CALN1: variants seen among roughly 807,000 people sequenced by gnomAD.
CALN1 encodes calneuron 1.
Under a neutral mutation model 30.6 loss-of-function variants are expected in CALN1, and 17 were observed. The ratio of observed to expected loss-of-function variants is 0.56; its 90% CI spans 0.38 to 0.83. The LOEUF (loss-of-function observed/expected upper bound fraction) is 0.83, where lower values mean the gene tolerates loss of function less well. CALN1 is among the 40% of genes least tolerant of loss of function. The pLI is 0.00. For synonymous variants in CALN1, 156 were observed against 131.4 expected (o/e 1.19, Z -1.28); for missense variants, 291 against 354.9 (o/e 0.82, Z 1.45).
chr7:72,476,231 G>A, the CALN1 span, among the ~76,000 whole-genome samples: 2 of 152,066 alleles, frequency 1.3e-5, no homozygotes, highest in Non-Finnish European at 2.9e-5. Context: ...ACAGGTATGA[G>A]CCACCATGCC....
intron 5 of CALN1, among the ~76,000 whole-genome samples, chr7:71,867,127 A>C (rs953554340): frequency 5.5e-5 from 8 of 145,812 alleles, no homozygotes; most frequent in Admixed American, 2.0e-4. Context: ...CCTGGGTGAC[A>C]GAGCGAGACT....
chr7:72,285,464 C>T (rs1287659343), intron 2 of CALN1, among the ~76,000 whole-genome samples: 4 of 152,128 alleles, frequency 2.6e-5, no homozygotes, highest in Admixed American at 2.6e-4. Flanking sequence ...AGGATAGTCT[C>T]GATCTCCTGA....
intron 2 of CALN1, among the ~76,000 whole-genome samples, chr7:72,338,334 G>A (rs1802196233): frequency 6.6e-6 from 1 of 152,088 alleles, no homozygotes; most frequent in Non-Finnish European, 1.5e-5. Flanking sequence ...AGATACATGT[G>A]AAAAATTTCA....
At chr7:72,009,395 C>T (rs566580993) in intron 5 of CALN1, among the ~76,000 whole-genome samples, 2 of 152,146 alleles carry the variant, frequency 1.3e-5, no homozygotes, top group Non-Finnish European at 2.9e-5. Context: ...AAATGGGCTA[C>T]CATGACAACT....
At chr7:72,131,854 A>G (rs990285813) in intron 3 of CALN1, among the ~76,000 whole-genome samples, 2 of 151,966 alleles carry the variant, frequency 1.3e-5, no homozygotes, top group African/African-American at 4.8e-5. Context: ...ATTACCTCCT[A>G]GCTCTCTGTG....
At chr7:71,996,495 T>C (rs1185076172) in intron 5 of CALN1, among the ~76,000 whole-genome samples, 2 of 152,248 alleles carry the variant, frequency 1.3e-5, no homozygotes, top group African/African-American at 4.8e-5. Context: ...TGGTTTTCTG[T>C]ACCTGAGTTA....
chr7:72,052,111 T>C (rs1802871986), intron 4 of CALN1, among the ~76,000 whole-genome samples: 2 of 152,184 alleles, frequency 1.3e-5, no homozygotes, highest in Non-Finnish European at 2.9e-5. Flanking sequence ...ATGGTATGAT[T>C]GTCTATCTAG....
intron 1 of CALN1, among the ~76,000 whole-genome samples, chr7:72,411,675 C>G (rs923524701): frequency 6.6e-6 from 1 of 152,140 alleles, no homozygotes; most frequent in Non-Finnish European, 1.5e-5. Flanking sequence ...TGGATAAGTT[C>G]TCAATGATGC....
chr7:71,923,392 T>G (rs2129518538), intron 5 of CALN1, among the ~76,000 whole-genome samples: 2 of 152,296 alleles, frequency 1.3e-5, no homozygotes, highest in South Asian at 4.1e-4. Context: ...AGAATGCATT[T>G]TATTTGGGAA....
intron 2 of CALN1, among the ~76,000 whole-genome samples, chr7:72,287,854 G>T (rs1052078110): frequency 2.7e-4 from 41 of 152,000 alleles, no homozygotes; most frequent in Non-Finnish European, 2.9e-5. Context: ...ATATATATTT[G>T]CAGGAATTTC....
At chr7:72,205,551 A>AAAATATATACATACATATATATATATAT in intron 3 of CALN1, among the ~76,000 whole-genome samples, 1 of 83,052 alleles carries the variant, frequency 1.2e-5, no homozygotes, top group African/African-American at 7.5e-5. Flanking sequence ...GCAAAAAAAA[A>AAAATATATACATACATATATATATATAT]ATATATATAT....
At chr7:72,444,032 T>C (rs1808444429) in intron 1 of CALN1, among the ~76,000 whole-genome samples, 1 of 150,498 alleles carries the variant, frequency 6.6e-6, no homozygotes, top group African/African-American at 2.4e-5. Flanking sequence ...ATTAAAAAAT[T>C]ATTAAATCAA....
intron 5 of CALN1, among the ~76,000 whole-genome samples, chr7:71,833,475 C>A (rs1005569917): frequency 6.6e-6 from 1 of 150,826 alleles, no homozygotes; most frequent in African/African-American, 2.5e-5. Context: ...CAAAATAAGC[C>A]ATGATTCTAT....
chr7:72,496,240 C>T, the CALN1 span, among the ~76,000 whole-genome samples: 2 of 152,060 alleles, frequency 1.3e-5, no homozygotes, highest in Admixed American at 6.6e-5. Flanking sequence ...ATTCTTACAC[C>T]TTTTCCTTTT....
At chr7:72,057,343 T>C (rs1221757476) in intron 4 of CALN1, among the ~76,000 whole-genome samples, 3 of 151,564 alleles carry the variant, frequency 2.0e-5, no homozygotes, top group African/African-American at 7.3e-5. Context: ...GATACTAATT[T>C]GGCAATGGCA....
intron 5 of CALN1, among the ~76,000 whole-genome samples, chr7:71,991,775 C>A (rs1377451823): frequency 1.3e-5 from 2 of 152,152 alleles, no homozygotes; most frequent in African/African-American, 2.4e-5. Context: ...TGGCTGGTGC[C>A]ATTTGTGGTA....
chr7:72,238,955 T>G (rs896181204), intron 3 of CALN1, among the ~76,000 whole-genome samples: 7 of 152,140 alleles, frequency 4.6e-5, no homozygotes, highest in African/African-American at 1.7e-4. Flanking sequence ...CCCACTAATG[T>G]GGACAAAGCT....
At chr7:71,823,494 C>T (rs1035383297) in intron 5 of CALN1, among the ~76,000 whole-genome samples, 7 of 152,084 alleles carry the variant, frequency 4.6e-5, no homozygotes, top group South Asian at 2.1e-4. Context: ...CCAAGGCAGG[C>T]GGATCACAAG....
At chr7:72,269,205 G>A (rs998731147) in intron 3 of CALN1, among the ~76,000 whole-genome samples, 1 of 152,148 alleles carries the variant, frequency 6.6e-6, no homozygotes, top group African/African-American at 2.4e-5. Flanking sequence ...TGCAAGGTGA[G>A]ATTTTATTTT....
Sources: allele counts gnomAD v4.1 joint callset (sites outside exome capture counted in the v4.1 genomes callset), GRCh38; gene constraint gnomAD v4.1.1; transcripts MANE v1.5; gene names NCBI Gene and HGNC (gene_info 2026-07-23, HGNC 2026-07-21).